COIL: variants seen among roughly 807,000 people sequenced by gnomAD.
COIL encodes coilin.
A neutral mutation model predicts 51.6 loss-of-function variants in COIL; 28 were observed. The ratio of observed to expected loss-of-function variants is 0.54; its 90% CI spans 0.40 to 0.74. The LOEUF is 0.74. Among genes scored for constraint, COIL ranks in the 30% least tolerant of loss-of-function variants. The pLI is 0.00. For missense variants in COIL, 667 were observed against 685.9 expected (o/e 0.97, Z 0.31); for synonymous variants, 233 against 255.8 (o/e 0.91, Z 0.85).
chr17:56,942,628 G>C (rs549868039), intron 5 of COIL, among the ~76,000 whole-genome samples: 1 of 152,122 alleles, frequency 6.6e-6, no homozygotes, highest in South Asian at 2.1e-4. Flanking sequence ...TGATTCTTGT[G>C]CCTCAGCCTC....
chr17:56,954,432 G>A (rs1376254164), intron 1 of COIL, among the ~76,000 whole-genome samples: 1 of 152,032 alleles, frequency 6.6e-6, no homozygotes, highest in African/African-American at 2.4e-5. Context: ...ATGGTGGCAT[G>A]CGCCTGTAGT....
rs751220499 is a variant in COIL at position 56,946,495 on chromosome 17, C to T, written c.1505G>A (p.Ser502Asn). The T allele has an allele frequency of 9.9e-6, 16 of 1,609,918 alleles. No homozygotes were observed. In the South Asian group the frequency reaches 1.5e-4, roughly 16 times the overall value. ...TACTTGCTGGGTCTCTGGATTGTGG[C>T]TTAATATTCTTCCTTCCTTTCAAAA... ...VSDYKEGRIL[S>N]HNPETQQVDI... The change falls in exon 5 of 7, where the codon AGC becomes AAC. Residue 502 changes from serine to asparagine, a missense_variant. By Grantham distance (46) the Ser-to-Asn change is conservative (BLOSUM62 1). Transcript: ENST00000240316.
chr17:56,951,133 A>G, intron 1 of COIL, 137 bp from the exon 2 acceptor site: 1 of 870,068 alleles, frequency 1.1e-6, no homozygotes, highest in Non-Finnish European at 1.7e-6. Flanking sequence ...CTTAAAGACA[A>G]AAGACTCTTT....
intron 1 of COIL, among the ~76,000 whole-genome samples, chr17:56,960,129 T>C (rs1280965064): frequency 8.2e-5 from 11 of 134,656 alleles, no homozygotes; most frequent in South Asian, 2.4e-4. Context: ...GAGGCTGAGG[T>C]GGGAGGATCG....
chr17:56,942,731 G>T (rs1392325629), intron 5 of COIL, among the ~76,000 whole-genome samples: 1 of 152,094 alleles, frequency 6.6e-6, no homozygotes, highest in African/African-American at 2.4e-5. Context: ...GGCCAGGTTG[G>T]TCTCAAACTT....
chr17:56,949,857 G>A (rs753014274), intron 2 of COIL, 32 bp downstream of exon 2: 5 of 1,610,720 alleles, frequency 3.1e-6, no homozygotes, highest in East Asian at 2.2e-5. Flanking sequence ...AAGGGGAAAG[G>A]GAGGAGATAA....
At chr17:56,943,037 T>A (rs1910177277) in intron 5 of COIL, among the ~76,000 whole-genome samples, 1 of 152,218 alleles carries the variant, frequency 6.6e-6, no homozygotes, top group Middle Eastern at 3.2e-3. Flanking sequence ...TTAGGAACAC[T>A]AAGAACTAAC....
At position 56,949,930 on chromosome 17, in the gene COIL, G is replaced by A; in HGVS notation, c.1312C>T (p.Gln438Ter). 1 of 1,613,852 alleles carries A rather than the reference G, an allele frequency of 6.2e-7. No individual in the cohort carries two copies. The highest frequency in any genetic ancestry group is 8.5e-7 in the Non-Finnish European group (1 of 1,179,942). ...NRSTDNQRQQ[Q>*]LNDVVKNSST... The stretch of plus-strand genomic sequence containing the variant: ...GAATTTTTTACCACGTCATTTAATT[G>A]CTGTTGCCTCTGGTTGTCAGTGCTT... Residue 438 changes from glutamine to a stop codon, truncating the protein, a stop_gained, in exon 2 of 7, where the codon CAA (glutamine) becomes TAA (stop). Coordinates refer to ENST00000240316, the MANE Select transcript of COIL (RefSeq NM_004645.3). LOFTEE classifies it high-confidence loss of function.
In COIL at chr17:56,942,113, T is replaced by C. The variant is rs1352587932; in HGVS notation, c.1569A>G (p.Glu523=). 1 of 1,613,870 alleles carries C rather than the reference T, an allele frequency of 6.2e-7. No individual in the cohort carries two copies. The highest frequency in any genetic ancestry group is 1.1e-5 in the South Asian group (1 of 91,070). ...GATAAACTAAATCAAATTTCCCAGGTTCTCTCAAGGCTGAAACAAGAAGAT... is the reference window on the plus strand; with the variant it reads ...GATAAACTAAATCAAATTTCCCAGGCTCTCTCAAGGCTGAAACAAGAAGAT... ...EILSSLPALR[E]PGKFDLVYHN... Residue 523 remains glutamate, a synonymous_variant, in exon 6 of 7, where the codon GAA becomes GAG. Coordinates refer to ENST00000240316, the MANE Select transcript of COIL (RefSeq NM_004645.3).
intron 1 of COIL, among the ~76,000 whole-genome samples, chr17:56,958,941 G>A (rs139569270): frequency 0.013 from 2,009 of 152,282 alleles, 26 homozygotes; most frequent in Non-Finnish European, 0.017. Flanking sequence ...AAATCTTACG[G>A]AATCTGACAT....
chr17:56,956,302 G>A (rs762644228), intron 1 of COIL, among the ~76,000 whole-genome samples: 2 of 152,182 alleles, frequency 1.3e-5, no homozygotes, highest in African/African-American at 4.8e-5. Flanking sequence ...GGAGTGACAC[G>A]ATCATGGCTC....
Position 56,939,146 on chromosome 17 carries a change from T to C in COIL, c.1656A>G (p.Val552=). 1 of 1,584,252 alleles carries C rather than the reference T, an allele frequency of 6.3e-7. No homozygotes were observed. The highest frequency in any genetic ancestry group is 2.2e-5 in the East Asian group (1 of 44,686). The stretch of plus-strand genomic sequence containing the variant: ...TTGGGTCAATCAACTCTTTCCAAAA[T>C]ACAGTGATCTGAGGAAAAAGACAAA... The part of the protein sequence containing the change: ...YAVTQESKIT[V]FWKELIDPRL... The change falls in exon 7 of 7, where the codon GTA becomes GTG. Residue 552 remains valine (V), a synonymous_variant. Coordinates refer to ENST00000240316, the MANE Select transcript of COIL (RefSeq NM_004645.3).
At chr17:56,957,407 G>A (rs1374384686) in intron 1 of COIL, among the ~76,000 whole-genome samples, 4 of 151,928 alleles carry the variant, frequency 2.6e-5, no homozygotes, top group African/African-American at 9.7e-5. Context: ...ATCACTTGAG[G>A]TCACAAGTTC....
At chr17:56,960,335 C>T (rs948999439) in intron 1 of COIL, among the ~76,000 whole-genome samples, 1 of 150,314 alleles carries the variant, frequency 6.7e-6, no homozygotes, top group South Asian at 2.1e-4. Flanking sequence ...ACCACCTTGA[C>T]CAATATGGTG....
intron 1 of COIL, among the ~76,000 whole-genome samples, chr17:56,958,434 G>C (rs1400912407): frequency 6.6e-6 from 1 of 152,212 alleles, no homozygotes; most frequent in Non-Finnish European, 1.5e-5. Context: ...GAACTTTCCA[G>C]ATTCATCTTT....
chr17:56,956,424 T>TGG (rs144930914), intron 1 of COIL, among the ~76,000 whole-genome samples: 9,373 of 151,914 alleles, frequency 0.062, 345 homozygotes, highest in East Asian at 0.15. Flanking sequence ...GTTTGTTTTT[T>TGG]GGGGTTTTTT....
In COIL at chr17:56,947,756, C is replaced by A. The variant is rs147769870; in HGVS notation, c.1489-1245G>T. Among the ~76,000 whole-genome samples, 380 of 152,308 alleles carry A rather than the reference C, an allele frequency of 2.5e-3. 2 individuals are homozygous for A. The highest frequency in any genetic ancestry group is 8.9e-3 in the African/African-American group (370 of 41,574). ...AAAGTGCTGGGATTACAGGCATGAG[C>A]CACTGTGCCTGGCCATTAATAAGCA... is the stretch of plus-strand genomic sequence containing the variant. On this transcript the variant is annotated intron_variant, in intron 4 of 6. Transcript: ENST00000240316.
chr17:56,947,206 TAAAACCAGACTCA>T (rs1910267615), intron 4 of COIL, among the ~76,000 whole-genome samples: 1 of 152,140 alleles, frequency 6.6e-6, no homozygotes, highest in Non-Finnish European at 1.5e-5. Context: ...CAGTTTTTTT[TAAAACCAGACTCA>T]ACAGGGAATC....
rs887631027 is a variant in COIL, at chr17:56,949,711, G to T, written c.1410C>A (p.Ala470=). The T allele has an allele frequency of 6.2e-7, 1 of 1,614,054 alleles. No homozygotes were observed. Among genetic ancestry groups the T allele is most frequent in the South Asian group, 1.1e-5 (1 of 91,086 alleles). The change falls in exon 3 of 7, where the codon GCC becomes GCA. Residue 470 remains alanine, a synonymous_variant. Transcript: ENST00000240316. The part of the protein sequence containing the change: ...DYSLLPLLAA[A]PQVGEKIAFK... Reference sequence around the variant, plus strand: ...ATGCAATCTTTTCTCCAACTTGAGGGGCAGCTGCTAACAGTGGTAACAGAC... The same window carrying T: ...ATGCAATCTTTTCTCCAACTTGAGGTGCAGCTGCTAACAGTGGTAACAGAC...
Sources: gnomAD v4.1 joint callset for allele counts (sites outside exome capture counted in the v4.1 genomes callset) on GRCh38, gnomAD v4.1.1 for gene constraint, MANE v1.5 for transcripts, NCBI Gene and HGNC (gene_info 2026-07-23, HGNC 2026-07-21) for gene names.